RUNDC3B: variants seen among roughly 807,000 people sequenced by gnomAD.
RUNDC3B encodes the protein RUN domain containing 3B, also known as RUN domain-containing protein 3B.
RUNDC3B carries 33 observed loss-of-function variants against 58.4 expected under a neutral mutation model. The ratio of observed to expected loss-of-function variants is 0.56; its 90% CI spans 0.43 to 0.75. The LOEUF (loss-of-function observed/expected upper bound fraction) is 0.75, where lower values mean the gene tolerates loss of function less well. Among genes scored for constraint, RUNDC3B ranks in the 30% least tolerant of loss-of-function variants. The pLI is 0.00. For synonymous variants in RUNDC3B, 193 were observed against 195.2 expected (o/e 0.99, Z 0.10); for missense variants, 501 against 535.7 (o/e 0.94, Z 0.64).
At chr7:87,703,885 C>CTTTTTTTTTTTTTTTTTT in intron 3 of RUNDC3B, among the ~76,000 whole-genome samples, 41 of 60,246 alleles carry the variant, frequency 6.8e-4, no homozygotes, top group Non-Finnish European at 8.6e-4. Flanking sequence ...TCAGTTTTTT[C>CTTTTTTTTTTTTTTTTTT]TTTTTTTTTT....
chr7:87,635,657 C>T (rs181090974), intron 1 of RUNDC3B, among the ~76,000 whole-genome samples: 4 of 152,162 alleles, frequency 2.6e-5, no homozygotes, highest in East Asian at 1.9e-4. Context: ...GAAAAGTATA[C>T]GTAGCATAAC....
At chr7:87,810,627 C>T (rs990291630) in intron 9 of RUNDC3B, among the ~76,000 whole-genome samples, 11 of 152,214 alleles carry the variant, frequency 7.2e-5, no homozygotes, top group African/African-American at 2.6e-4. Context: ...CATATTGTCA[C>T]CTACTCATGG....
At chr7:87,794,482 T>C (rs1280590899) in intron 8 of RUNDC3B, among the ~76,000 whole-genome samples, 1 of 151,762 alleles carries the variant, frequency 6.6e-6, no homozygotes, top group Non-Finnish European at 1.5e-5. Flanking sequence ...TGAAAGAAAT[T>C]GAAGAGGACA....
chr7:87,733,535 C>T (rs751078282), intron 4 of RUNDC3B, among the ~76,000 whole-genome samples: 2 of 152,146 alleles, frequency 1.3e-5, no homozygotes, highest in Admixed American at 6.5e-5. Context: ...GAATAGGAGA[C>T]AATTTTTACA....
At position 87,700,487 on chromosome 7, in the gene RUNDC3B, G is replaced by A. The variant is rs750107326; in HGVS notation, c.305G>A (p.Arg102Gln). The change falls in exon 3 of 11, where the codon CGG becomes CAG. Residue 102 changes from arginine (R) to glutamine (Q), a missense_variant. Arg to Gln is a conservative substitution (Grantham distance 43). Transcript: ENST00000394654. ...TGGGACTATATCAGAGTGGCTTGCC[G>A]GAAAGTTTCACAGAATTGTATCTGC... ...SFWDYIRVAC[R>Q]KVSQNCICSI... is the part of the protein sequence containing the mutation. 11 of 1,613,288 alleles carry A rather than the reference G, an allele frequency of 6.8e-6. No homozygotes were observed. The highest frequency in any genetic ancestry group is 4.4e-5 in the South Asian group (4 of 90,930).
At chr7:87,777,082 G>A (rs1043910562) in intron 7 of RUNDC3B, among the ~76,000 whole-genome samples, 1 of 152,054 alleles carries the variant, frequency 6.6e-6, no homozygotes, top group African/African-American at 2.4e-5. Flanking sequence ...CAGAAAGCAG[G>A]GCAGAAGGAC....
chr7:87,669,066 T>A (rs1585050213), intron 2 of RUNDC3B, among the ~76,000 whole-genome samples: 1 of 152,208 alleles, frequency 6.6e-6, no homozygotes, highest in East Asian at 1.9e-4. Context: ...TTTAATACTG[T>A]CTGTGGAGTG....
intron 4 of RUNDC3B, among the ~76,000 whole-genome samples, chr7:87,711,594 A>G (rs571329671): frequency 6.6e-6 from 1 of 152,244 alleles, no homozygotes; most frequent in South Asian, 2.1e-4. Context: ...AAGTATTTGT[A>G]AATGAAAAGA....
chr7:87,674,738 C>T (rs948268149), intron 2 of RUNDC3B, among the ~76,000 whole-genome samples: 4 of 152,098 alleles, frequency 2.6e-5, no homozygotes. Flanking sequence ...CCTGGTTGGG[C>T]ATCTGAGGCC....
chr7:87,701,031 A>G (rs1213640737), intron 3 of RUNDC3B, among the ~76,000 whole-genome samples: 2 of 152,200 alleles, frequency 1.3e-5, no homozygotes, highest in Non-Finnish European at 2.9e-5. Flanking sequence ...AATTCTTATT[A>G]AATCTCAACT....
chr7:87,758,777 G>A (rs948559471), intron 6 of RUNDC3B, among the ~76,000 whole-genome samples: 1 of 152,092 alleles, frequency 6.6e-6, no homozygotes, highest in Non-Finnish European at 1.5e-5. Context: ...ACTACAATGA[G>A]ATATCATCTC....
At chr7:87,827,750 C>A (rs1016032268) in intron 10 of RUNDC3B, among the ~76,000 whole-genome samples, 8 of 152,004 alleles carry the variant, frequency 5.3e-5, no homozygotes, top group African/African-American at 1.7e-4. Context: ...TACACCTAAA[C>A]AACATAATTA....
chr7:87,792,106 TAAG>T (rs1170087426), intron 8 of RUNDC3B, among the ~76,000 whole-genome samples: 1 of 151,920 alleles, frequency 6.6e-6, no homozygotes, highest in Non-Finnish European at 1.5e-5. Context: ...ATCCAAACTA[TAAG>T]AAGAGAGAAA....
At chr7:87,793,861 G>A (rs1413671065) in intron 8 of RUNDC3B, among the ~76,000 whole-genome samples, 1 of 151,928 alleles carries the variant, frequency 6.6e-6, no homozygotes, top group Non-Finnish European at 1.5e-5. Flanking sequence ...AAGAAACAAA[G>A]GTCATCCAAG....
intron 1 of RUNDC3B, among the ~76,000 whole-genome samples, chr7:87,637,562 T>G (rs1203658205): frequency 6.6e-6 from 1 of 152,136 alleles, no homozygotes; most frequent in African/African-American, 2.4e-5. Flanking sequence ...ATAACCTATT[T>G]CTTTATATGT....
At chr7:87,815,609 A>G (rs1364297155) in intron 9 of RUNDC3B, among the ~76,000 whole-genome samples, 1 of 152,114 alleles carries the variant, frequency 6.6e-6, no homozygotes, top group African/African-American at 2.4e-5. Flanking sequence ...GTATATTAAT[A>G]CAAACAGGTA....
At chr7:87,813,980 CAA>C (rs397890276) in intron 9 of RUNDC3B, among the ~76,000 whole-genome samples, 15 of 89,534 alleles carry the variant, frequency 1.7e-4, no homozygotes, top group Middle Eastern at 7.8e-3. Flanking sequence ...GACTCCGTCT[CAA>C]AAAAAAAAAA....
At chr7:87,705,430 A>G (rs1019602486) in intron 3 of RUNDC3B, among the ~76,000 whole-genome samples, 1 of 152,112 alleles carries the variant, frequency 6.6e-6, no homozygotes. Context: ...CATCTAAGAA[A>G]ACAAACAAAA....
At chr7:87,780,931 C>G (rs143774360) in intron 8 of RUNDC3B, among the ~76,000 whole-genome samples, 494 of 152,160 alleles carry the variant, frequency 3.2e-3, no homozygotes, top group South Asian at 6.0e-3. Flanking sequence ...ACGCCTCCAG[C>G]TTTGTTATTT....
Sources: gnomAD v4.1 joint callset for allele counts (sites outside exome capture counted in the v4.1 genomes callset) on GRCh38, gnomAD v4.1.1 for gene constraint, MANE v1.5 for transcripts, NCBI Gene and HGNC (gene_info 2026-07-23, HGNC 2026-07-21) for gene names.